Variants in AOX1 observed in about 807,000 individuals in gnomAD.
AOX1 encodes aldehyde oxidase 1, also known as aldehyde oxidase.
Under a neutral mutation model 169.5 loss-of-function variants are expected in AOX1, and 153 were observed. The observed-to-expected ratio is 0.90, with a 90% confidence interval of 0.79 to 1.03. The LOEUF is 1.03. AOX1 is among the 50% of genes least tolerant of loss of function. AOX1 has a pLI of 0.00. For synonymous variants in AOX1, 562 were observed against 581.9 expected, an observed-to-expected ratio of 0.97 and a Z score of 0.49; for missense variants, 1,656 against 1,663.9, an observed-to-expected ratio of 1.00 and a Z score of 0.08.
intron 14 of AOX1, among the ~76,000 whole-genome samples, chr2:200,613,027 T>TGTGTGTGTGTGAGAGAGA (rs112472592): frequency 6.8e-6 from 1 of 146,112 alleles, no homozygotes; most frequent in Non-Finnish European, 1.5e-5. Context: ...TGTGTGTGTG[T>TGTGTGTGTGTGAGAGAGA]GAGAGAGAGA....
chr2:200,676,762 G>A (rs550311145), intron 4 of AOX1: 9 of 359,514 alleles, frequency 2.5e-5, no homozygotes, highest in East Asian at 9.5e-5. Context: ...AGAGCAAGGC[G>A]GGGAGACAAG....
chr2:200,636,953 A>G lies in AOX1; in HGVS notation c.2389A>G (p.Met797Val). The G allele has an allele frequency of 6.2e-7, 1 of 1,614,164 alleles. No homozygotes were observed. The highest frequency in any genetic ancestry group is 8.5e-7 in the Non-Finnish European group (1 of 1,179,998). The change falls in exon 22 of 35, where the codon ATG (methionine) becomes GTG (valine). Residue 797 changes from methionine (M) to valine (V), a missense_variant. Coordinates refer to ENST00000374700, the MANE Select transcript of AOX1 (RefSeq NM_001159.4). ...CTTGAAGCTCCCAGCTAACAAGGTC[A>G]TGTGCCATGTAAGGCGTGTTGGTGG... ...STLKLPANKV[M>V]CHVRRVGGAF...
rs58855977 is a variant in AOX1, at chr2:200,601,073, CTTT to C, written c.437-1195_437-1193del. ...TTTCTGTCAGCTGAAGCTTAGAGTGCTTTTTTTTTTTTTTTTTTGTCACAGTAA... is the reference window on the plus strand; with the variant it reads ...TTTCTGTCAGCTGAAGCTTAGAGTGCTTTTTTTTTTTTTTTGTCACAGTAA... On this transcript the variant is annotated intron_variant, in intron 5 of 34. Coordinates refer to ENST00000374700, the MANE Select transcript of AOX1 (RefSeq NM_001159.4). Among the ~76,000 whole-genome samples, 288 of 120,446 alleles carry C rather than the reference CTTT, an allele frequency of 2.4e-3. 1 individual carries two copies. The highest frequency in any genetic ancestry group is 4.9e-3 in the East Asian group (20 of 4,116). The allele number at this position is 120,446 out of a possible 152,430, so 79.0% of individuals were successfully genotyped here. A position where few individuals can be genotyped will look rare whatever the true frequency, so the allele number is the denominator to read the frequency against.
rs756440528 is a variant in AOX1 at position 200,623,856 on chromosome 2, C to T, written c.2002-5C>T. 1.2e-5 allele frequency: 20 copies of T among 1,613,482 alleles called. No individual in the cohort carries two copies. The highest frequency in any genetic ancestry group is 9.3e-5 in the African/African-American group (7 of 74,900). ...CTTGACAACAAAGGTCTTTCTGTGTCGTAGGTGTTCTGTGTGGGTCAGCTT... is the reference window on the plus strand; with the variant it reads ...CTTGACAACAAAGGTCTTTCTGTGTTGTAGGTGTTCTGTGTGGGTCAGCTT... On this transcript the variant is annotated splice_region_variant and splice_polypyrimidine_tract_variant and intron_variant, in intron 18 of 34. Coordinates refer to ENST00000374700, the MANE Select transcript of AOX1 (RefSeq NM_001159.4).
intron 1 of AOX1, among the ~76,000 whole-genome samples, chr2:200,588,686 A>G (rs548352750): frequency 2.7e-5 from 4 of 147,566 alleles, no homozygotes; most frequent in East Asian, 3.9e-4. Flanking sequence ...GGTACTTAAT[A>G]AACAAGCCTG....
At chr2:200,597,642 A>G in intron 4 of AOX1, 137 bp downstream of exon 4, 1 of 466,348 alleles carries the variant, frequency 2.1e-6, no homozygotes, top group East Asian at 3.3e-5. Context: ...AGCTGGGAAC[A>G]AGAGTGAAGC....
At chr2:200,604,665 G>T in intron 8 of AOX1, 31 bp from the exon 9 acceptor site, 1 of 1,613,168 alleles carries the variant, frequency 6.2e-7, no homozygotes, top group African/African-American at 1.3e-5. Context: ...GCATCATTGG[G>T]TACCTTGAAT....
Position 200,662,868 on chromosome 2 carries a change from G to A in AOX1, c.3442G>A (p.Asp1148Asn). 6.2e-7 allele frequency: 1 copy of A among 1,613,956 alleles called. No homozygotes were observed. The highest frequency in any genetic ancestry group is 1.3e-5 in the African/African-American group (1 of 75,038). ...AVGYFRGYES[D>N]MNWEKGEGQP... ...TGTTTCTTCCAGAGGTTATGAGTCA[G>A]ACATGAACTGGGAGAAAGGCGAAGG... Residue 1148 changes from aspartate to asparagine, a missense_variant, in exon 31 of 35, where the codon GAC (aspartate) becomes AAC (asparagine). Transcript: ENST00000374700.
intron 22 of AOX1, 116 bp from the exon 23 acceptor site, chr2:200,638,099 G>C: frequency 1.2e-6 from 1 of 820,976 alleles, no homozygotes; most frequent in South Asian, 1.5e-5. Flanking sequence ...CGAAATAGTT[G>C]TGTTGTTCTG....
intron 12 of AOX1, among the ~76,000 whole-genome samples, chr2:200,610,349 G>A (rs2034609089): frequency 6.6e-6 from 1 of 152,204 alleles, no homozygotes; most frequent in African/African-American, 2.4e-5. Flanking sequence ...TGGGATTACA[G>A]GCATGAGCCA....
intron 5 of AOX1, 24 bp downstream of exon 5, chr2:200,599,770 A>G (rs750587922): frequency 1.4e-6 from 2 of 1,425,606 alleles, no homozygotes; most frequent in Non-Finnish European, 1.8e-6. Flanking sequence ...GCATGCTTTT[A>G]TTTTTTAATT....
At chr2:200,601,073 C>CTTT (rs58855977) in intron 5 of AOX1, among the ~76,000 whole-genome samples, 40,888 of 119,360 alleles carry the variant, frequency 0.34, 7,617 homozygotes, top group East Asian at 0.44. Flanking sequence ...GCTTAGAGTG[C>CTTT]TTTTTTTTTT....
rs1231282657 is a variant in AOX1 at position 200,676,614 on chromosome 2, AAAGAAGAAG to A, written c.487-247_487-239del. ...GACTACATCTCAAAAAAAAAAAAAA[AAAGAAGAAG>A]AAGAAGAAGAAGAAGATAGCTTATT... On this transcript the variant is annotated intron_variant, in intron 4 of 4. Coordinates refer to the AOX1 transcript ENST00000439380. Among the ~76,000 whole-genome samples the A allele has an allele frequency of 5.4e-5, 8 of 148,556 alleles. No individual in the cohort carries two copies. The South Asian group carries it at 6.3e-4, about 12-fold the overall frequency.
intron 16 of AOX1, among the ~76,000 whole-genome samples, 176 bp downstream of exon 16, chr2:200,616,239 A>G (rs1412745596): frequency 2.0e-5 from 3 of 152,258 alleles, no homozygotes; most frequent in Non-Finnish European, 4.4e-5. Flanking sequence ...GAATTTGATT[A>G]AAGACAAATC....
In AOX1 at chr2:200,619,673, G is replaced by T. The variant is rs116526591; in HGVS notation, c.1705-977G>T. Among the ~76,000 whole-genome samples the T allele has an allele frequency of 1.6e-3, 251 of 152,248 alleles. 3 individuals carry two copies. Among genetic ancestry groups the T allele is most frequent in the African/African-American group, 5.8e-3 (239 of 41,532 alleles). On this transcript the variant is annotated intron_variant, in intron 16 of 34. Coordinates refer to ENST00000374700, the MANE Select transcript of AOX1 (RefSeq NM_001159.4). ...CTTTGATTAATGAAACACATTTAAG[G>T]TATTTACAGAGCCAACAGCAAGATA...
intron 26 of AOX1, among the ~76,000 whole-genome samples, chr2:200,652,123 G>A (rs1053063490): frequency 2.0e-5 from 3 of 152,104 alleles, no homozygotes; most frequent in Non-Finnish European, 4.4e-5. Context: ...TAGTGTGGAT[G>A]TTGTGTGTTA....
At chr2:200,640,689 A>G (rs1053527735) in intron 23 of AOX1, among the ~76,000 whole-genome samples, 1 of 152,208 alleles carries the variant, frequency 6.6e-6, no homozygotes, top group Non-Finnish European at 1.5e-5. Flanking sequence ...AATGTCCTTT[A>G]CCACCATGGG....
downstream of AOX1, among the ~76,000 whole-genome samples, chr2:200,675,257 T>C (rs2036079632): frequency 6.6e-6 from 1 of 152,130 alleles, no homozygotes; most frequent in South Asian, 2.1e-4. Flanking sequence ...TAACAGAGAA[T>C]GGTTGGTACC....
chr2:200,681,975 GTGTT>G (rs1178965896), downstream of AOX1, among the ~76,000 whole-genome samples: 2 of 151,714 alleles, frequency 1.3e-5, no homozygotes, highest in Admixed American at 1.3e-4. Flanking sequence ...TGTTACTGAA[GTGTT>G]ATTAATGCTT....
Sources: gnomAD v4.1 joint callset for allele counts (sites outside exome capture counted in the v4.1 genomes callset) on GRCh38, gnomAD v4.1.1 for gene constraint, MANE v1.5 for transcripts, NCBI Gene and HGNC (gene_info 2026-07-23, HGNC 2026-07-21) for gene names.